CRTAC1: variants seen among roughly 807,000 people sequenced by gnomAD.
CRTAC1 encodes acidic secreted protein in cartilage.
CRTAC1 carries 37 observed loss-of-function variants against 67.8 expected under a neutral mutation model. The ratio of observed to expected loss-of-function variants is 0.55; its 90% CI spans 0.42 to 0.72. CRTAC1 has a LOEUF of 0.72. Ranked by LOEUF, CRTAC1 falls within the 30% of genes least tolerant of loss-of-function variation. The pLI is 0.00. For synonymous variants in CRTAC1, 348 were observed against 371.0 expected (o/e 0.94, Z 0.71); for missense variants, 780 against 931.6 (o/e 0.84, Z 2.12).
intron 5 of CRTAC1, among the ~76,000 whole-genome samples, 180 bp downstream of exon 5, chr10:97,917,320 G>T (rs549311192): frequency 1.3e-5 from 2 of 152,208 alleles, no homozygotes; most frequent in Admixed American, 1.3e-4. Context: ...TGCTTGGAGA[G>T]GCAGTGTGGG....
In CRTAC1 at chr10:97,901,685, G is replaced by A. The variant is rs1340869130; in HGVS notation, c.997-46C>T. The A allele has an allele frequency of 5.0e-6, 8 of 1,611,296 alleles. No individual in the cohort carries two copies. In the African/African-American group the frequency reaches 1.1e-4, roughly 22 times the overall value. On this transcript the variant is annotated intron_variant, in intron 7 of 14. Coordinates refer to ENST00000370597, the MANE Select transcript of CRTAC1 (RefSeq NM_018058.7). ...GGTCAGTGGCAGGAGAGTGGGCTGG[G>A]GCGGGAGGCCAGCTCTCCTCTATGG... is the stretch of plus-strand genomic sequence containing the variant.
At chr10:97,972,399 A>G (rs962220971) in intron 2 of CRTAC1, among the ~76,000 whole-genome samples, 1 of 152,194 alleles carries the variant, frequency 6.6e-6, no homozygotes, top group African/African-American at 2.4e-5. Flanking sequence ...ACAAGCAGCT[A>G]CAGGAAAGCA....
chr10:97,886,772 G>A (rs1244057200), intron 11 of CRTAC1, among the ~76,000 whole-genome samples: 1 of 151,380 alleles, frequency 6.6e-6, no homozygotes, highest in Non-Finnish European at 1.5e-5. Flanking sequence ...AGCCTCCTGA[G>A]TAGTTGGGAT....
intron 9 of CRTAC1, among the ~76,000 whole-genome samples, chr10:97,896,395 A>G (rs951493342): frequency 6.6e-6 from 1 of 152,204 alleles, no homozygotes; most frequent in Non-Finnish European, 1.5e-5. Context: ...GAGGGCAGAT[A>G]TAATTATCCC....
intron 2 of CRTAC1, among the ~76,000 whole-genome samples, chr10:97,952,559 A>AAAAAAAC (rs2051374984): frequency 6.7e-6 from 1 of 149,900 alleles, no homozygotes; most frequent in African/African-American, 2.4e-5. Context: ...AAAAAAAAAA[A>AAAAAAAC]AAAGAACGCA....
intron 3 of CRTAC1, among the ~76,000 whole-genome samples, chr10:97,934,494 C>T (rs1590220011): frequency 6.6e-6 from 1 of 152,324 alleles, no homozygotes; most frequent in East Asian, 1.9e-4. Flanking sequence ...CTGGCATAAG[C>T]CCCAACCTCT....
At chr10:97,957,934 G>A (rs546039085) in intron 2 of CRTAC1, among the ~76,000 whole-genome samples, 4 of 152,154 alleles carry the variant, frequency 2.6e-5, no homozygotes, top group African/African-American at 4.8e-5. Flanking sequence ...GAATTTGGGG[G>A]AGATCCTCCT....
At chr10:97,960,077 G>C (rs1352210467) in intron 2 of CRTAC1, among the ~76,000 whole-genome samples, 1 of 152,248 alleles carries the variant, frequency 6.6e-6, no homozygotes, top group Non-Finnish European at 1.5e-5. Flanking sequence ...TGGATAAACA[G>C]TTTAGGTACA....
chr10:98,030,429 G>T lies in CRTAC1; in HGVS notation c.24+20C>A, dbSNP rs954858952. 6 of 1,246,204 alleles carry T rather than the reference G, an allele frequency of 4.8e-6. No homozygotes were observed. Among genetic ancestry groups the T allele is most frequent in the Non-Finnish European group, 6.1e-6 (6 of 985,550 alleles). The allele number at this position is 1,246,204 out of a possible 1,614,324, so 77.2% of individuals were successfully genotyped here. A position where few individuals can be genotyped will look rare whatever the true frequency, so the allele number is the denominator to read the frequency against. On this transcript the variant is annotated intron_variant, in intron 1 of 14. Coordinates refer to ENST00000370597, the MANE Select transcript of CRTAC1 (RefSeq NM_018058.7). The surrounding 1 kb of genome is among the most constrained non-coding windows in gnomAD (Gnocchi z 4.2). ...AACTTTCTCCGCCTTAGGGTGGGGG[G>T]CACCGGTGCAGATACTCACGCCGGG... is the stretch of plus-strand genomic sequence containing the variant.
chr10:97,952,412 C>T (rs1333873260), intron 2 of CRTAC1, among the ~76,000 whole-genome samples: 1 of 151,188 alleles, frequency 6.6e-6, no homozygotes. Flanking sequence ...TTGGTGGGCA[C>T]CTGTAATCCC....
At position 98,021,273 on chromosome 10, in the gene CRTAC1, C is replaced by T. The variant is rs184469884; in HGVS notation, c.24+9176G>A. 3.9e-5 allele frequency among the ~76,000 whole-genome samples: 6 copies of T among 152,288 alleles called. No individual in the cohort carries two copies. In the East Asian group the frequency reaches 9.7e-4, roughly 25 times the overall value. ...GGCATGTTTCATGCATTTTCCCCAG[C>T]ACCAAGAAAATGTAAGAATTCCTCT... On this transcript the variant is annotated intron_variant, in intron 1 of 14. Coordinates refer to ENST00000370597, the MANE Select transcript of CRTAC1 (RefSeq NM_018058.7).
intron 5 of CRTAC1, among the ~76,000 whole-genome samples, chr10:97,912,069 C>G (rs933277882): frequency 6.6e-6 from 1 of 152,028 alleles, no homozygotes; most frequent in African/African-American, 2.4e-5. Flanking sequence ...CATCACTGAA[C>G]CTTCCTGGGC....
chr10:97,990,496 C>T (rs776937232), intron 2 of CRTAC1, among the ~76,000 whole-genome samples: 1 of 152,192 alleles, frequency 6.6e-6, no homozygotes, highest in African/African-American at 2.4e-5. Flanking sequence ...TCCTTTCCAA[C>T]CCCATTTTGT....
At chr10:97,936,393 T>A in intron 2 of CRTAC1, 27 bp from the exon 3 acceptor site, 1 of 1,582,328 alleles carries the variant, frequency 6.3e-7, no homozygotes, top group African/African-American at 1.3e-5. Flanking sequence ...GAGGGGATGC[T>A]GGGGAGGAGC....
Position 97,895,313 on chromosome 10 carries a change from T to G in CRTAC1, c.1418A>C (p.His473Pro). Residue 473 changes from histidine to proline, a missense_variant, in exon 11 of 15, where the codon CAC becomes CCC. By Grantham distance (77) the His-to-Pro change is moderately conservative. Transcript: ENST00000370597. This position sits in a 1 kb window ranked among gnomAD's most constrained non-coding sequence, Gnocchi z 4.2. ...TGAGCCCCCGTCGATGATCCTCAGG[T>G]GGGCCCCACTCTTCTTGGTGTAGAG... ...VVLYTKKSGAHLRIIDGGSGY... is the reference protein window; with the variant it reads ...VVLYTKKSGAPLRIIDGGSGY... 1 of 1,613,780 alleles carries G rather than the reference T, an allele frequency of 6.2e-7. No homozygotes were observed. The highest frequency in any genetic ancestry group is 8.5e-7 in the Non-Finnish European group (1 of 1,179,974).
chr10:97,910,815 T>C (rs1039841257), intron 5 of CRTAC1, among the ~76,000 whole-genome samples: 6 of 152,178 alleles, frequency 3.9e-5, no homozygotes, highest in African/African-American at 1.2e-4. Flanking sequence ...ACTGCCACTC[T>C]TATTGCGCTC....
At position 97,876,955 on chromosome 10, in the gene CRTAC1, T is replaced by C. The variant is rs900907332; in HGVS notation, c.1819+3294A>G. Among the ~76,000 whole-genome samples the C allele has an allele frequency of 2.4e-4, 34 of 140,634 alleles. 1 individual carries two copies. The highest frequency in any genetic ancestry group is 9.0e-4 in the African/African-American group (34 of 37,626). 92.3% of individuals were successfully genotyped at this position (140,634 alleles called of 152,430 possible). ...CAATGAGGAGGCTCTGTTTTTTTTT[T>C]TTTTTTTTTTTTTTTTTGGTAAGGG... On this transcript the variant is annotated intron_variant, in intron 14 of 14. Coordinates refer to ENST00000370597, the MANE Select transcript of CRTAC1 (RefSeq NM_018058.7).
At position 98,029,488 on chromosome 10, in the gene CRTAC1, A is replaced by AGCGGCGGCGGCG. The variant is rs796585183; in HGVS notation, c.24+960_24+961insCGCCGCCGCCGC. ...CACACTGGGTGCACCCACCAGCAGC[A>AGCGGCGGCGGCG]GCAGCGGCGGCGGCGGCGGCGGCGG... On this transcript the variant is annotated intron_variant, in intron 1 of 14. Transcript: ENST00000370597. The surrounding 1 kb of genome is among the most constrained non-coding windows in gnomAD (Gnocchi z 4.7). Among the ~76,000 whole-genome samples the AGCGGCGGCGGCG allele has an allele frequency of 2.4e-3, 297 of 122,802 alleles. No individual in the cohort carries two copies. The highest frequency in any genetic ancestry group is 8.4e-3 in the East Asian group (39 of 4,670). 80.6% of individuals were successfully genotyped at this position (122,802 alleles called of 152,430 possible). A position where few individuals can be genotyped will look rare whatever the true frequency, so the allele number is the denominator to read the frequency against.
At chr10:97,959,028 G>A (rs2051483202) in intron 2 of CRTAC1, among the ~76,000 whole-genome samples, 1 of 152,202 alleles carries the variant, frequency 6.6e-6, no homozygotes, top group South Asian at 2.1e-4. Flanking sequence ...CAGCGACTGT[G>A]AAAGAGCTGC....
Sources: allele counts gnomAD v4.1 joint callset (sites outside exome capture counted in the v4.1 genomes callset), GRCh38; gene constraint gnomAD v4.1.1; non-coding constraint Gnocchi (gnomAD v3.1); transcripts MANE v1.5; gene names NCBI Gene and HGNC (gene_info 2026-07-23, HGNC 2026-07-21).